The following THSD7B variants were observed in gnomAD, a reference collection of about 807,000 sequenced individuals.
THSD7B encodes thrombospondin type 1 domain containing 7B, also known as thrombospondin type-1 domain-containing protein 7B.
In THSD7B, 138 loss-of-function variants were observed where a neutral mutation model predicts 213.6. The observed-to-expected ratio is 0.65, with a 90% CI of 0.56 to 0.74. The LOEUF (loss-of-function observed/expected upper bound fraction) is 0.74. Ranked by LOEUF, THSD7B falls within the 30% of genes least tolerant of loss-of-function variation. The probability of loss-of-function intolerance (pLI) is 0.00; values close to 1 mark genes in which losing one functional copy is unlikely to be tolerated. For synonymous variants in THSD7B, 742 were observed against 687.0 expected (o/e 1.08, Z -1.25); for missense variants, 1,931 against 1,991.5 (o/e 0.97, Z 0.58).
At chr2:136,941,132 T>C (rs1196467594) in intron 2 of THSD7B, among the ~76,000 whole-genome samples, 1 of 152,176 alleles carries the variant, frequency 6.6e-6, no homozygotes, top group African/African-American at 2.4e-5. Flanking sequence ...TGTGACAGTT[T>C]GCTCAGAATG....
rs1442873955 is a variant in THSD7B at position 137,087,159 on chromosome 2, AC to A, written c.951-7713del. 3.6e-4 allele frequency among the ~76,000 whole-genome samples: 55 copies of A among 152,340 alleles called. 1 individual carries two copies. The highest frequency in any genetic ancestry group is 3.4e-3 in the Middle Eastern group (1 of 294). On this transcript the variant is annotated intron_variant, in intron 3 of 27. Transcript: ENST00000409968. ...GATCTTTTCCAGAGCAATATGTATA[AC>A]AAAAATATTTAAGTAAAAATTAAAA...
At chr2:137,110,633 C>T (rs914261316) in intron 4 of THSD7B, among the ~76,000 whole-genome samples, 3 of 152,060 alleles carry the variant, frequency 2.0e-5, no homozygotes, top group African/African-American at 7.3e-5. Context: ...GATTTTGGGG[C>T]CTTGAAAAGA....
chr2:137,326,795 G>T (rs985092487), intron 12 of THSD7B, among the ~76,000 whole-genome samples: 1 of 152,148 alleles, frequency 6.6e-6, no homozygotes, highest in Non-Finnish European at 1.5e-5. Context: ...TGAATATAAT[G>T]TGAGTCCTTA....
At chr2:137,015,731 C>G (rs1432862028) in intron 2 of THSD7B, among the ~76,000 whole-genome samples, 1 of 152,152 alleles carries the variant, frequency 6.6e-6, no homozygotes, top group Non-Finnish European at 1.5e-5. Flanking sequence ...TAAAAAGTCT[C>G]TTTCTAATCT....
At chr2:137,398,804 G>C (rs1164238122) in intron 12 of THSD7B, among the ~76,000 whole-genome samples, 1 of 152,202 alleles carries the variant, frequency 6.6e-6, no homozygotes, top group African/African-American at 2.4e-5. Context: ...TGCTGTGCTA[G>C]CAATCAGCGA....
chr2:137,551,549 T>C (rs1400723496), intron 15 of THSD7B, among the ~76,000 whole-genome samples: 1 of 152,160 alleles, frequency 6.6e-6, no homozygotes, highest in Non-Finnish European at 1.5e-5. Flanking sequence ...TGCAAACCAC[T>C]GTTCTTAGGC....
intron 12 of THSD7B, among the ~76,000 whole-genome samples, chr2:137,354,542 ATAGATGTCC>A (rs1435930019): frequency 6.6e-6 from 1 of 152,090 alleles, no homozygotes; most frequent in Non-Finnish European, 1.5e-5. Context: ...TCTTTCTTTT[ATAGATGTCC>A]AAGTATTTTA....
intron 5 of THSD7B, among the ~76,000 whole-genome samples, chr2:137,132,112 A>G (rs1688744024): frequency 6.7e-6 from 1 of 149,340 alleles, no homozygotes; most frequent in Non-Finnish European, 1.5e-5. Context: ...TGTAAGTTGG[A>G]TTCCTAGGTA....
intron 10 of THSD7B, among the ~76,000 whole-genome samples, chr2:137,259,586 T>G (rs1682392608): frequency 6.6e-6 from 1 of 152,174 alleles, no homozygotes; most frequent in South Asian, 2.1e-4. Context: ...ATATTAGACT[T>G]TTGCCAGTTG....
chr2:137,271,450 A>T lies in THSD7B; in HGVS notation c.2267-1083A>T, dbSNP rs928598167. On this transcript the variant is annotated intron_variant, in intron 10 of 27. Transcript: ENST00000409968. Reference sequence around the variant, plus strand: ...ATATAATATATATAATATAATATATAATATAATATATAATATAATATATAA... The same window carrying T: ...ATATAATATATATAATATAATATATTATATAATATATAATATAATATATAA... Among the ~76,000 whole-genome samples the T allele has an allele frequency of 5.6e-4, 75 of 133,674 alleles. 3 individuals are homozygous for T. The highest frequency in any genetic ancestry group is 2.0e-3 in the African/African-American group (62 of 31,740). 87.7% of individuals were successfully genotyped at this position (133,674 alleles called of 152,430 possible). A position where few individuals can be genotyped will look rare whatever the true frequency, so the allele number is the denominator to read the frequency against.
intron 17 of THSD7B, among the ~76,000 whole-genome samples, chr2:137,614,905 C>T (rs1682355270): frequency 6.6e-6 from 1 of 152,036 alleles, no homozygotes; most frequent in Non-Finnish European, 1.5e-5. Context: ...TTCTTTACTA[C>T]TATATCTGAA....
chr2:136,923,626 C>G (rs560530550), intron 2 of THSD7B, among the ~76,000 whole-genome samples: 132 of 152,176 alleles, frequency 8.7e-4, no homozygotes, highest in Non-Finnish European at 1.3e-3. Flanking sequence ...CTTGTTATTT[C>G]TCTTTGTTTT....
chr2:137,611,750 C>G (rs1209032131), intron 17 of THSD7B, among the ~76,000 whole-genome samples: 1 of 152,136 alleles, frequency 6.6e-6, no homozygotes, highest in Non-Finnish European at 1.5e-5. Context: ...AATTAACTTT[C>G]TCAGAGGCAA....
At chr2:137,292,538 C>T (rs1399619548) in intron 12 of THSD7B, among the ~76,000 whole-genome samples, 1 of 152,100 alleles carries the variant, frequency 6.6e-6, no homozygotes, top group Non-Finnish European at 1.5e-5. Context: ...GTTTATTATG[C>T]TTTAGAACCT....
chr2:137,534,110 A>T (rs1680457859), intron 15 of THSD7B, among the ~76,000 whole-genome samples: 2 of 151,414 alleles, frequency 1.3e-5, no homozygotes, highest in African/African-American at 4.8e-5. Flanking sequence ...AGTGTTTGAA[A>T]TACTATTTTT....
chr2:137,181,258 T>A (rs1680448879), intron 7 of THSD7B, among the ~76,000 whole-genome samples: 1 of 152,152 alleles, frequency 6.6e-6, no homozygotes, highest in Admixed American at 6.6e-5. Context: ...ATAAACAGCT[T>A]TTCACTCCTT....
chr2:137,075,545 C>G (rs557852861), intron 3 of THSD7B, among the ~76,000 whole-genome samples: 6 of 152,260 alleles, frequency 3.9e-5, no homozygotes, highest in South Asian at 2.1e-4. Context: ...CCTCCTGTAG[C>G]TCGGAGTAGT....
At chr2:136,910,309 GAAT>G (rs1684235907) in intron 2 of THSD7B, among the ~76,000 whole-genome samples, 1 of 152,134 alleles carries the variant, frequency 6.6e-6, no homozygotes, top group Admixed American at 6.5e-5. Flanking sequence ...TATGGTTCTA[GAAT>G]GAGTCTTGGC....
chr2:137,080,655 A>G (rs1321008067), intron 3 of THSD7B, among the ~76,000 whole-genome samples: 1 of 151,748 alleles, frequency 6.6e-6, no homozygotes. Context: ...AATTATTTCC[A>G]CCTGGTACCT....
Sources: gnomAD v4.1 joint callset for allele counts (sites outside exome capture counted in the v4.1 genomes callset) on GRCh38, gnomAD v4.1.1 for gene constraint, MANE v1.5 for transcripts, NCBI Gene and HGNC (gene_info 2026-07-23, HGNC 2026-07-21) for gene names.